The following GABRB3 variants were observed in gnomAD, a reference collection of about 807,000 sequenced individuals.
GABRB3 encodes the protein gamma-aminobutyric acid receptor subunit beta-3.
In GABRB3, 14 loss-of-function variants were observed where a neutral mutation model predicts 52.1. The ratio of observed to expected loss-of-function variants is 0.27; its 90% CI spans 0.18 to 0.42. The LOEUF is 0.42. Ranked by LOEUF, GABRB3 falls within the 10% of genes least tolerant of loss-of-function variation. The pLI is 1.00. For missense variants in GABRB3, 307 were observed against 609.1 expected, an observed-to-expected ratio of 0.50 and a Z score of 5.22; for synonymous variants, 260 against 232.3, an observed-to-expected ratio of 1.12 and a Z score of -1.08.
chr15:26,764,838 A>T (rs1327924174), intron 3 of GABRB3, among the ~76,000 whole-genome samples: 1 of 152,152 alleles, frequency 6.6e-6, no homozygotes, highest in East Asian at 1.9e-4. Context: ...CCTGTATAAA[A>T]AGAATGTCAA....
intron 4 of GABRB3, among the ~76,000 whole-genome samples, chr15:26,596,846 G>A (rs55724859): frequency 6.6e-6 from 1 of 152,146 alleles, no homozygotes; most frequent in South Asian, 2.1e-4. Flanking sequence ...TATAAGAAAT[G>A]AAATTTCTTT....
intron 3 of GABRB3, among the ~76,000 whole-genome samples, chr15:26,709,298 TCTCA>T (rs377063967): frequency 9.9e-4 from 151 of 152,104 alleles, no homozygotes; most frequent in African/African-American, 3.5e-3. Context: ...AGGAGTGAGT[TCTCA>T]CTCTATTTGA....
intron 3 of GABRB3, among the ~76,000 whole-genome samples, chr15:26,639,094 G>A (rs1220247178): frequency 6.6e-6 from 1 of 152,068 alleles, no homozygotes; most frequent in Non-Finnish European, 1.5e-5. Context: ...TAGCATCACC[G>A]GTTTTCAGAT....
chr15:26,585,919 C>T (rs972399720), intron 4 of GABRB3, among the ~76,000 whole-genome samples: 8 of 152,186 alleles, frequency 5.3e-5, no homozygotes, highest in African/African-American at 1.9e-4. Context: ...GAATAGAGTT[C>T]TGCTAAAATT....
At chr15:26,732,712 C>A (rs969045061) in intron 3 of GABRB3, among the ~76,000 whole-genome samples, 5 of 152,102 alleles carry the variant, frequency 3.3e-5, no homozygotes, top group Admixed American at 1.3e-4. Context: ...GGATAACAGG[C>A]ACGCGCTACC....
intron 3 of GABRB3, among the ~76,000 whole-genome samples, chr15:26,653,750 T>C (rs191760723): frequency 6.6e-6 from 1 of 152,378 alleles, no homozygotes; most frequent in East Asian, 1.9e-4. Flanking sequence ...ACTGTCATAA[T>C]TTTTGCAAAG....
intron 8 of GABRB3, among the ~76,000 whole-genome samples, chr15:26,560,097 C>T (rs943692133): frequency 1.3e-5 from 2 of 152,174 alleles, no homozygotes; most frequent in Non-Finnish European, 2.9e-5. Flanking sequence ...TTCACACTCT[C>T]CACCCCAGCG....
intron 3 of GABRB3, among the ~76,000 whole-genome samples, chr15:26,748,562 C>T (rs1267930589): frequency 1.3e-5 from 2 of 152,106 alleles, no homozygotes; most frequent in East Asian, 1.9e-4. Context: ...GTGATAGCTT[C>T]TGTTTCATTC....
chr15:26,667,373 C>T (rs1863463), intron 3 of GABRB3, among the ~76,000 whole-genome samples: 3 of 152,090 alleles, frequency 2.0e-5, no homozygotes, highest in African/African-American at 7.2e-5. Flanking sequence ...CATCCGCCCC[C>T]TTTCATCTTA....
intron 4 of GABRB3, among the ~76,000 whole-genome samples, chr15:26,593,857 G>T (rs1211747723): frequency 6.6e-6 from 1 of 151,232 alleles, no homozygotes; most frequent in Non-Finnish European, 1.5e-5. Flanking sequence ...TTAATTTTAC[G>T]TTTAAATTTT....
chr15:26,660,752 C>A (rs1887516090), intron 3 of GABRB3, among the ~76,000 whole-genome samples: 1 of 152,118 alleles, frequency 6.6e-6, no homozygotes, highest in African/African-American at 2.4e-5. Flanking sequence ...CTAGGTACAC[C>A]ACAAAGATCT....
intron 3 of GABRB3, among the ~76,000 whole-genome samples, chr15:26,742,092 G>C (rs1266984558): frequency 6.6e-6 from 1 of 152,066 alleles, no homozygotes; most frequent in East Asian, 1.9e-4. Flanking sequence ...ACATTTTTCA[G>C]AAGCACATTT....
At chr15:26,677,433 G>A (rs1186739667) in intron 3 of GABRB3, among the ~76,000 whole-genome samples, 3 of 152,060 alleles carry the variant, frequency 2.0e-5, no homozygotes, top group African/African-American at 7.2e-5. Context: ...AGCTGGTTTT[G>A]GGGGAGAGAA....
At chr15:26,612,181 T>C (rs1306151851) in intron 4 of GABRB3, 7 of 152,174 alleles carry the variant, frequency 4.6e-5, no homozygotes, top group South Asian at 2.1e-4. Context: ...GAAGCACCCA[T>C]TGCAATGAAA....
chr15:26,731,061 TCGC>T (rs1416550960), intron 3 of GABRB3, among the ~76,000 whole-genome samples: 858 of 83,326 alleles, frequency 0.01, 5 homozygotes, highest in African/African-American at 0.086. Flanking sequence ...GCTCTCTCAC[TCGC>T]TCTCGCTCTC....
chr15:26,577,401 T>C (rs1441490476), intron 6 of GABRB3, among the ~76,000 whole-genome samples: 1 of 151,988 alleles, frequency 6.6e-6, no homozygotes, highest in Non-Finnish European at 1.5e-5. Context: ...CAATTCCAGC[T>C]ACTAGGGAGG....
At chr15:26,723,429 T>C (rs1889693322) in intron 3 of GABRB3, among the ~76,000 whole-genome samples, 1 of 152,202 alleles carries the variant, frequency 6.6e-6, no homozygotes, top group South Asian at 2.1e-4. Context: ...CACTAAGAAA[T>C]CCTACATTTT....
At chr15:26,620,238 C>T (rs2140534590) in intron 4 of GABRB3, among the ~76,000 whole-genome samples, 1 of 152,276 alleles carries the variant, frequency 6.6e-6, no homozygotes, top group East Asian at 1.9e-4. Flanking sequence ...CCACTTAACA[C>T]TAAAAACATC....
At chr15:26,727,818 T>C (rs1262947932) in intron 3 of GABRB3, among the ~76,000 whole-genome samples, 1 of 152,244 alleles carries the variant, frequency 6.6e-6, no homozygotes, top group East Asian at 1.9e-4. Context: ...ACAAGGTTCA[T>C]ACAAGCCTTA....
Sources: gnomAD v4.1 joint callset for allele counts (sites outside exome capture counted in the v4.1 genomes callset) on GRCh38, gnomAD v4.1.1 for gene constraint, MANE v1.5 for transcripts, NCBI Gene and HGNC (gene_info 2026-07-23, HGNC 2026-07-21) for gene names.